The following RERE variants were observed in gnomAD, a reference collection of about 807,000 sequenced individuals.
The protein encoded by RERE is arginine-glutamic acid dipeptide repeats protein.
RERE carries 40 observed loss-of-function variants against 146.1 expected under a neutral mutation model. The ratio of observed to expected loss-of-function variants is 0.27; its 90% confidence interval spans 0.21 to 0.36. The LOEUF (loss-of-function observed/expected upper bound fraction) is 0.36. Among genes scored for constraint, RERE ranks in the 10% least tolerant of loss-of-function variants. The probability of loss-of-function intolerance (pLI) is 1.00; values close to 1 mark genes in which losing one functional copy is unlikely to be tolerated. For missense variants in RERE, 1,933 were observed against 2,138.7 expected, an observed-to-expected ratio of 0.90 and a Z score of 1.90; for synonymous variants, 1,003 against 866.0, an observed-to-expected ratio of 1.16 and a Z score of -2.78.
intron 11 of RERE, among the ~76,000 whole-genome samples, chr1:8,450,205 G>A (rs1429136108): frequency 2.0e-5 from 3 of 152,056 alleles, no homozygotes; most frequent in East Asian, 1.9e-4. Context: ...TTGAATCTGC[G>A]ATCTTAGTCT....
In RERE at chr1:8,607,585, G is replaced by A. The variant is rs1278363007; in HGVS notation, c.522+6976C>T. 3.8e-4 allele frequency among the ~76,000 whole-genome samples: 42 copies of A among 110,496 alleles called. 1 individual carries two copies. The highest frequency in any genetic ancestry group is 1.3e-4 in the Non-Finnish European group (8 of 59,806). 72.5% of individuals were successfully genotyped at this position (110,496 alleles called of 152,430 possible). ...TTTTGAGACGGAGTCTCGCTCTGTC[G>A]TCGAGGCTGCAGTGCAGTGGTGTGA... On this transcript the variant is annotated intron_variant, in intron 4 of 22. Coordinates refer to ENST00000400908, the MANE Select transcript of RERE (RefSeq NM_001042681.2).
chr1:8,641,885 C>T (rs983182206), intron 2 of RERE, among the ~76,000 whole-genome samples: 4 of 152,120 alleles, frequency 2.6e-5, no homozygotes, highest in Non-Finnish European at 4.4e-5. Flanking sequence ...ATAATGGAGA[C>T]TTAGCAACTA....
At chr1:8,658,142 A>C (rs572862251) in intron 1 of RERE, among the ~76,000 whole-genome samples, 2 of 152,340 alleles carry the variant, frequency 1.3e-5, no homozygotes, top group South Asian at 4.1e-4. Context: ...CTAACAATAA[A>C]TTTATAAATA....
intron 1 of RERE, among the ~76,000 whole-genome samples, chr1:8,674,883 A>C (rs1322171438): frequency 6.6e-6 from 1 of 152,200 alleles, no homozygotes; most frequent in African/African-American, 2.4e-5. Flanking sequence ...GCTCACCTGG[A>C]AAAAAGGCAA....
intron 12 of RERE, among the ~76,000 whole-genome samples, chr1:8,411,918 A>G (rs1643627209): frequency 2.6e-5 from 4 of 152,134 alleles, no homozygotes; most frequent in Admixed American, 1.3e-4. Flanking sequence ...ATTGTTCCAC[A>G]AATTACAGAT....
chr1:8,606,334 T>A (rs563220926), intron 4 of RERE, among the ~76,000 whole-genome samples: 1 of 152,264 alleles, frequency 6.6e-6, no homozygotes, highest in African/African-American at 2.4e-5. Context: ...GATTCTAAAT[T>A]TTAAAAATTT....
chr1:8,506,876 CCA>C (rs1307670087), intron 8 of RERE, among the ~76,000 whole-genome samples: 1 of 152,172 alleles, frequency 6.6e-6, no homozygotes, highest in Non-Finnish European at 1.5e-5. Context: ...TATAACCACA[CCA>C]CAGAATGTAC....
intron 1 of RERE, among the ~76,000 whole-genome samples, chr1:8,782,838 G>A (rs547785038): frequency 1.3e-5 from 2 of 152,258 alleles, no homozygotes; most frequent in East Asian, 3.9e-4. Flanking sequence ...CCCGGGAGGT[G>A]GAGGGTGAAG....
In RERE at chr1:8,486,395, T is replaced by C. The variant is rs372377215; in HGVS notation, c.1104+8668A>G. On this transcript the variant is annotated intron_variant, in intron 10 of 22. Transcript: ENST00000400908. ...TAGAAATCAATAACATTCCAAAAAA[T>C]AAAACTTAGAGAAGCCCCAAGTATC... Among the ~76,000 whole-genome samples, 86 of 152,134 alleles carry C rather than the reference T, an allele frequency of 5.7e-4. 1 individual carries two copies. The South Asian group carries it at 6.2e-3, about 11-fold the overall frequency.
chr1:8,726,147 CTTTTTTTTT>C lies in RERE; in HGVS notation c.-144-69715_-144-69707del, dbSNP rs70985511. Among the ~76,000 whole-genome samples the C allele has an allele frequency of 4.3e-5, 3 of 69,394 alleles. No individual in the cohort carries two copies. In the South Asian group the frequency reaches 1.9e-3, roughly 44 times the overall value. The allele number at this position is 69,394 out of a possible 152,430, so 45.5% of individuals were successfully genotyped here. A position where few individuals can be genotyped will look rare whatever the true frequency, so the allele number is the denominator to read the frequency against. On this transcript the variant is annotated intron_variant, in intron 1 of 22. Transcript: ENST00000400908. ...AATTCCAGTTTTCCTTTTTTCTTTT[CTTTTTTTTT>C]TTTTTTTTTTTTTTTTGAGACGGAG...
chr1:8,626,600 C>G (rs1385495173), intron 2 of RERE, among the ~76,000 whole-genome samples: 1 of 152,150 alleles, frequency 6.6e-6, no homozygotes, highest in Non-Finnish European at 1.5e-5. Flanking sequence ...CCTCTCTGAC[C>G]ACAGACATGC....
intron 12 of RERE, among the ~76,000 whole-genome samples, chr1:8,403,016 A>G (rs2124443698): frequency 6.6e-6 from 1 of 152,190 alleles, no homozygotes; most frequent in Admixed American, 6.5e-5. Context: ...CTTCTGCCTC[A>G]GCCTCCCTGG....
At chr1:8,811,861 C>T (rs1389225764) in intron 1 of RERE, among the ~76,000 whole-genome samples, 1 of 152,206 alleles carries the variant, frequency 6.6e-6, no homozygotes, top group African/African-American at 2.4e-5. Flanking sequence ...TATTGCAACA[C>T]ACAGCCTGGA....
intron 1 of RERE, among the ~76,000 whole-genome samples, chr1:8,747,098 T>TC (rs995162031): frequency 3.3e-5 from 5 of 151,888 alleles, no homozygotes; most frequent in African/African-American, 1.2e-4. Flanking sequence ...GCCTCCCGGG[T>TC]CCACGCCATT....
chr1:8,727,788 G>A (rs979582857), intron 1 of RERE, among the ~76,000 whole-genome samples: 18 of 152,014 alleles, frequency 1.2e-4, no homozygotes, highest in East Asian at 5.8e-4. Flanking sequence ...CACTGAGCCC[G>A]GCCAATTACC....
chr1:8,697,500 C>T (rs1261217465), intron 1 of RERE, among the ~76,000 whole-genome samples: 2 of 151,454 alleles, frequency 1.3e-5, no homozygotes, highest in African/African-American at 4.8e-5. Flanking sequence ...TCACGTCATT[C>T]TCCTGCCTCC....
At chr1:8,460,651 G>C (rs888000428) in intron 11 of RERE, among the ~76,000 whole-genome samples, 1 of 152,080 alleles carries the variant, frequency 6.6e-6, no homozygotes, top group African/African-American at 2.4e-5. Flanking sequence ...ATATTTAATG[G>C]GTAGTGTATT....
At chr1:8,645,204 T>TACA (rs1347640910) in intron 2 of RERE, among the ~76,000 whole-genome samples, 1 of 152,238 alleles carries the variant, frequency 6.6e-6, no homozygotes, top group Non-Finnish European at 1.5e-5. Context: ...CCTTACTATT[T>TACA]ACAGCCAAGT....
chr1:8,496,003 A>G (rs1204382573), intron 9 of RERE, among the ~76,000 whole-genome samples: 2 of 151,936 alleles, frequency 1.3e-5, no homozygotes, highest in African/African-American at 2.4e-5. Context: ...TAGAGAGAGA[A>G]AAAAAATATA....
Sources: allele counts gnomAD v4.1 joint callset (sites outside exome capture counted in the v4.1 genomes callset), GRCh38; gene constraint gnomAD v4.1.1; transcripts MANE v1.5; gene names NCBI Gene and HGNC (gene_info 2026-07-23, HGNC 2026-07-21).